The following MAPK4 variants were observed in gnomAD, a reference collection of about 807,000 sequenced individuals.
MAPK4 encodes mitogen-activated protein kinase 4, also known as Erk3-related.
MAPK4 carries 22 observed loss-of-function variants against 47.7 expected under a neutral mutation model. That is an observed-to-expected ratio of 0.46 (90% CI 0.33 to 0.66). MAPK4 has a LOEUF of 0.66. Among genes scored for constraint, MAPK4 ranks in the 30% least tolerant of loss-of-function variants. MAPK4 has a pLI of 0.02. For synonymous variants in MAPK4, 390 were observed against 365.7 expected (o/e 1.07, Z -0.76); for missense variants, 736 against 831.7 (o/e 0.88, Z 1.42).
chr18:50,626,141 C>T (rs1484497178), intron 1 of MAPK4, among the ~76,000 whole-genome samples: 1 of 152,116 alleles, frequency 6.6e-6, no homozygotes, highest in African/African-American at 2.4e-5. Context: ...AGAAGACCAC[C>T]CACATTATGA....
chr18:50,626,271 T>A (rs990557509), intron 1 of MAPK4, among the ~76,000 whole-genome samples: 1 of 152,192 alleles, frequency 6.6e-6, no homozygotes, highest in Admixed American at 6.5e-5. Context: ...GTCAACCAAG[T>A]TGACATAAAA....
intron 2 of MAPK4, among the ~76,000 whole-genome samples, chr18:50,683,118 T>A (rs1908674444): frequency 6.7e-6 from 1 of 150,080 alleles, no homozygotes. Flanking sequence ...ATGATGAATA[T>A]GTTCTTTTTT....
rs749864708 is a variant in MAPK4, at chr18:50,722,061, G to A, written c.815G>A (p.Arg272Lys). ...GTCAGCAGCACCTGGGAGGTGAAGAGGCCTCTGCGCAAGCTGCTCCCTGAA... is the reference window on the plus strand; with the variant it reads ...GTCAGCAGCACCTGGGAGGTGAAGAAGCCTCTGCGCAAGCTGCTCCCTGAA... ...SFVSSTWEVK[R>K]PLRKLLPEVN... The change falls in exon 4 of 6, where the codon AGG becomes AAG. Residue 272 changes from arginine (R) to lysine (K), a missense_variant. Physicochemically the swap from Arg to Lys is conservative, Grantham distance 26 (BLOSUM62 2). This residue lies in a region of MAPK4 where 327 missense variants were observed against 395.4 expected (regional missense o/e 0.83). Transcript: ENST00000400384. 1 of 1,613,568 alleles carries A rather than the reference G, an allele frequency of 6.2e-7. No individual in the cohort carries two copies. The highest frequency in any genetic ancestry group is 1.1e-5 in the South Asian group (1 of 91,024).
At chr18:50,581,019 T>C (rs886908520) in intron 1 of MAPK4, among the ~76,000 whole-genome samples, 4 of 152,194 alleles carry the variant, frequency 2.6e-5, no homozygotes, top group African/African-American at 9.7e-5. Context: ...GCTTGATGCC[T>C]GTATTCATCC....
At chr18:50,634,873 C>G (rs1334649636) in intron 1 of MAPK4, among the ~76,000 whole-genome samples, 1 of 152,152 alleles carries the variant, frequency 6.6e-6, no homozygotes, top group East Asian at 1.9e-4. Context: ...CAAGCCACAC[C>G]AGGTCTTACA....
intron 1 of MAPK4, among the ~76,000 whole-genome samples, chr18:50,628,769 TG>T (rs33990768): frequency 0.44 from 67,542 of 152,032 alleles, 15,255 homozygotes; most frequent in Middle Eastern, 0.56. Context: ...CATCACTCAA[TG>T]GTGCCAGGCA....
chr18:50,667,504 T>C (rs138330621), intron 2 of MAPK4, among the ~76,000 whole-genome samples: 81 of 152,290 alleles, frequency 5.3e-4, no homozygotes, highest in Non-Finnish European at 9.6e-4. Context: ...ATCTGCTCTC[T>C]CCAGTGTGCT....
chr18:50,721,170 A>G (rs554906624), intron 3 of MAPK4, among the ~76,000 whole-genome samples: 2 of 152,358 alleles, frequency 1.3e-5, no homozygotes, highest in South Asian at 4.1e-4. Context: ...GAAATGCCAT[A>G]CGGTGGCCAG....
intron 1 of MAPK4, among the ~76,000 whole-genome samples, chr18:50,612,078 C>T (rs1887093629): frequency 6.6e-6 from 1 of 152,088 alleles, no homozygotes; most frequent in Admixed American, 6.5e-5. Context: ...AGGCTCCCTC[C>T]TAGGAAGCTC....
intron 1 of MAPK4, among the ~76,000 whole-genome samples, chr18:50,578,502 G>A (rs1215701232): frequency 3.3e-5 from 5 of 152,214 alleles, no homozygotes; most frequent in African/African-American, 1.2e-4. Context: ...TGGTCTAGGA[G>A]GAAGGACATA....
At chr18:50,638,795 C>T (rs923600320) in intron 1 of MAPK4, among the ~76,000 whole-genome samples, 1 of 152,200 alleles carries the variant, frequency 6.6e-6, no homozygotes, top group Admixed American at 6.5e-5. Context: ...ACTGGCTGCT[C>T]CCTGCCAGGC....
rs564632813 is a variant in MAPK4 at position 50,719,450 on chromosome 18, C to T, written c.692-2488C>T. On this transcript the variant is annotated intron_variant, in intron 3 of 5. Transcript: ENST00000400384. The stretch of plus-strand genomic sequence containing the variant: ...CTGAAATTGCACAGACCTCCCAGTT[C>T]CGTATTTTCCAGCCAATTCAAGGCA... Among the ~76,000 whole-genome samples the T allele has an allele frequency of 7.3e-4, 111 of 152,286 alleles. 1 individual carries two copies. The highest frequency in any genetic ancestry group is 3.4e-3 in the Middle Eastern group (1 of 294).
chr18:50,658,497 T>A (rs2043135278), intron 1 of MAPK4, among the ~76,000 whole-genome samples: 1 of 152,232 alleles, frequency 6.6e-6, no homozygotes, highest in African/African-American at 2.4e-5. Context: ...ACAGGGGTGT[T>A]GTAAGACCCA....
chr18:50,599,315 C>G (rs2042513614), intron 1 of MAPK4, among the ~76,000 whole-genome samples: 1 of 152,186 alleles, frequency 6.6e-6, no homozygotes, highest in Non-Finnish European at 1.5e-5. Flanking sequence ...AAAACCCTAT[C>G]AGTCTTTTTA....
At chr18:50,681,868 G>A (rs1908606250) in intron 2 of MAPK4, among the ~76,000 whole-genome samples, 1 of 152,162 alleles carries the variant, frequency 6.6e-6, no homozygotes, top group African/African-American at 2.4e-5. Context: ...TCCTTTTCAA[G>A]ATTGTTTTGA....
chr18:50,562,250 C>A (rs545106682), intron 1 of MAPK4, among the ~76,000 whole-genome samples: 3 of 152,256 alleles, frequency 2.0e-5, no homozygotes, highest in East Asian at 3.9e-4. Flanking sequence ...CTCAATTACT[C>A]CAGATGCGTG....
At position 50,729,283 on chromosome 18, in the gene MAPK4, G is replaced by A. The variant is rs752580397; in HGVS notation, c.1193G>A (p.Arg398His). 1.2e-6 allele frequency: 2 copies of A among 1,608,946 alleles called. No individual in the cohort carries two copies. Among genetic ancestry groups the A allele is most frequent in the South Asian group, 1.1e-5 (1 of 90,934 alleles). ...PLAEDVQVDP[R>H]KDSHSSSERF... The stretch of plus-strand genomic sequence containing the variant: ...GCTGAGGACGTGCAGGTGGACCCGC[G>A]CAAGGACTCGCACAGCAGCTCCGAG... The change falls in exon 6 of 6, where the codon CGC (arginine) becomes CAC (histidine). Residue 398 changes from arginine (R) to histidine (H), a missense_variant. Around this residue, in one of 3 missense-constraint regions of MAPK4, gnomAD observed 377 missense variants for 378.6 expected, o/e 1.00. Transcript: ENST00000400384.
intron 1 of MAPK4, among the ~76,000 whole-genome samples, chr18:50,609,979 T>C (rs2042618033): frequency 6.6e-6 from 1 of 152,120 alleles, no homozygotes; most frequent in South Asian, 2.1e-4. Context: ...CTCACAACCA[T>C]ATAACATGGG....
At position 50,725,966 on chromosome 18, in the gene MAPK4, C is replaced by G; in HGVS notation, c.858C>G (p.Ile286Met). 1 of 1,614,046 alleles carries G rather than the reference C, an allele frequency of 6.2e-7. No individual in the cohort carries two copies. Reference sequence around the variant, plus strand: ...GTCCGGCTTTGCTCCCTGCAGCCATCGACTTTCTGGAGAAGATCCTGACCT... The same window carrying G: ...GTCCGGCTTTGCTCCCTGCAGCCATGGACTTTCTGGAGAAGATCCTGACCT... ...KLLPEVNSEA[I>M]DFLEKILTFN... The change falls in exon 5 of 6, where the codon ATC becomes ATG. Residue 286 changes from isoleucine (I) to methionine (M), a missense_variant. By Grantham distance (10) the Ile-to-Met change is conservative. Transcript: ENST00000400384.
Sources: gnomAD v4.1 joint callset for allele counts (sites outside exome capture counted in the v4.1 genomes callset) on GRCh38, gnomAD v4.1.1 for gene constraint, gnomAD v4.1.1 regional missense constraint, MANE v1.5 for transcripts, NCBI Gene and HGNC (gene_info 2026-07-23, HGNC 2026-07-21) for gene names.